Variants in AEBP2 observed in about 807,000 individuals in gnomAD.
The protein encoded by AEBP2 is zinc finger protein AEBP2.
AEBP2 carries 10 observed loss-of-function variants against 50.8 expected under a neutral mutation model. The observed-to-expected ratio is 0.20, with a 90% CI of 0.12 to 0.33. The LOEUF (loss-of-function observed/expected upper bound fraction) is 0.33. Ranked by LOEUF, AEBP2 falls within the 10% of genes least tolerant of loss-of-function variation. The pLI, the probability that AEBP2 is intolerant of heterozygous loss-of-function variation, is 1.00. For synonymous variants in AEBP2, 296 were observed against 261.3 expected (o/e 1.13, Z -1.28); for missense variants, 570 against 688.0 (o/e 0.83, Z 1.92).
chr12:19,520,224 A>T lies in AEBP2; in HGVS notation c.*2107A>T, dbSNP rs1018567093. On this transcript the variant is annotated 3_prime_UTR_variant, in exon 8 of 8. Transcript: ENST00000266508. ...TTTCTAATAAAACAAAGCAAATCAC[A>T]TTTAGCTTCAAATTGTAACAATTCA... The T allele has an allele frequency of 6.6e-6, 1 of 152,276 alleles. No individual in the cohort carries two copies. Among genetic ancestry groups the T allele is most frequent in the Admixed American group, 6.5e-5 (1 of 15,284 alleles). The allele number at this position is 152,276 out of a possible 1,614,324, so 9.4% of individuals were successfully genotyped here.
At chr12:19,479,941 T>C (rs1231404192) in intron 3 of AEBP2, among the ~76,000 whole-genome samples, 1 of 152,054 alleles carries the variant, frequency 6.6e-6, no homozygotes, top group Non-Finnish European at 1.5e-5. Flanking sequence ...TCCCATTCCA[T>C]ACCTTTTAAA....
chr12:19,408,867 C>A (rs1231818577), intron 1 of AEBP2, among the ~76,000 whole-genome samples: 1 of 151,844 alleles, frequency 6.6e-6, no homozygotes, highest in Admixed American at 6.6e-5. Flanking sequence ...CTCGCTACTG[C>A]ACTCCAGCAT....
chr12:19,445,492 G>A (rs1244154878), intron 1 of AEBP2, among the ~76,000 whole-genome samples: 2 of 152,062 alleles, frequency 1.3e-5, no homozygotes, highest in Admixed American at 1.3e-4. Context: ...GGGATTATGG[G>A]CATGAGCCAC....
At chr12:19,501,793 G>GTTTTTTTTTTTTTTTT (rs1204632203) in intron 5 of AEBP2, among the ~76,000 whole-genome samples, 2 of 35,180 alleles carry the variant, frequency 5.7e-5, no homozygotes, top group Admixed American at 3.6e-4. Flanking sequence ...ATAAAAATGA[G>GTTTTTTTTTTTTTTTT]TTTGTTTTTT....
chr12:19,498,483 C>T (rs537837326), intron 4 of AEBP2, among the ~76,000 whole-genome samples: 5 of 152,206 alleles, frequency 3.3e-5, no homozygotes, highest in East Asian at 1.9e-4. Context: ...TGAAAATATT[C>T]CCCCATAAAA....
chr12:19,451,489 G>A (rs7306663), intron 1 of AEBP2, among the ~76,000 whole-genome samples: 129,262 of 152,146 alleles, frequency 0.85, 55,231 homozygotes, highest in African/African-American at 0.93. Flanking sequence ...GAAGACTCCC[G>A]AGCTGAGTGT....
intron 1 of AEBP2, among the ~76,000 whole-genome samples, chr12:19,431,988 C>G (rs566090858): frequency 1.3e-5 from 2 of 152,286 alleles, no homozygotes; most frequent in South Asian, 4.1e-4. Flanking sequence ...GGAATCTCAG[C>G]TCCAGTCTAA....
At chr12:19,508,665 G>A (rs1949189526) in intron 5 of AEBP2, among the ~76,000 whole-genome samples, 1 of 152,070 alleles carries the variant, frequency 6.6e-6, no homozygotes, top group African/African-American at 2.4e-5. Flanking sequence ...GGGTCTTTCT[G>A]TTAGATCGAT....
At chr12:19,405,489 C>T (rs546756584) in intron 1 of AEBP2, among the ~76,000 whole-genome samples, 1 of 151,868 alleles carries the variant, frequency 6.6e-6, no homozygotes, top group Non-Finnish European at 1.5e-5. Flanking sequence ...CCATACCCAG[C>T]TAATTTTTGT....
intron 7 of AEBP2, 30 bp downstream of exon 7, chr12:19,514,814 T>C (rs769220407): frequency 6.5e-7 from 1 of 1,533,314 alleles, no homozygotes; most frequent in Admixed American, 1.9e-5. Context: ...TATGTTTTAC[T>C]TTTTGATTTG....
In AEBP2 at chr12:19,439,793, C is replaced by A; in HGVS notation, c.94C>A (p.Arg32=). ...PGSPGSAARG[R]AEPPEEEEEE... ...CAGCCCGGGTTCGGCGGCGCGGGGC[C>A]GGGCTGAGCCCCCCGAGGAGGAGGA... is the stretch of plus-strand genomic sequence containing the variant. The change falls in exon 1 of 8, where the codon CGG becomes AGG. Residue 32 remains arginine (R), a synonymous_variant. Transcript: ENST00000266508. 6.6e-7 allele frequency: 1 copy of A among 1,512,164 alleles called. No individual in the cohort carries two copies. 93.7% of individuals were successfully genotyped at this position (1,512,164 alleles called of 1,614,324 possible).
intron 3 of AEBP2, among the ~76,000 whole-genome samples, chr12:19,486,751 T>C (rs917364836): frequency 1.3e-5 from 2 of 152,054 alleles, no homozygotes; most frequent in African/African-American, 4.8e-5. Flanking sequence ...TACACACACA[T>C]ATTCATTCCT....
intron 3 of AEBP2, among the ~76,000 whole-genome samples, chr12:19,490,261 G>C (rs34631800): frequency 6.6e-6 from 1 of 152,104 alleles, no homozygotes; most frequent in South Asian, 2.1e-4. Context: ...TCTCAATTCA[G>C]ACTAGCCAAG....
intron 5 of AEBP2, among the ~76,000 whole-genome samples, chr12:19,503,157 T>G (rs1949107633): frequency 6.6e-6 from 1 of 152,222 alleles, no homozygotes; most frequent in Non-Finnish European, 1.5e-5. Context: ...GGAATAGCAT[T>G]GAATCTGTAA....
chr12:19,462,879 G>A (rs912153273), intron 2 of AEBP2, among the ~76,000 whole-genome samples, 162 bp downstream of exon 2: 21 of 152,108 alleles, frequency 1.4e-4, no homozygotes, highest in African/African-American at 5.1e-4. Context: ...ATACTTGATA[G>A]AATCAAATAA....
intron 1 of AEBP2, among the ~76,000 whole-genome samples, chr12:19,460,454 A>G (rs549264394): frequency 6.6e-6 from 1 of 152,110 alleles, no homozygotes; most frequent in Admixed American, 6.6e-5. Flanking sequence ...TCCCAGGTTC[A>G]AGCAATTCTC....
intron 7 of AEBP2, among the ~76,000 whole-genome samples, 156 bp from the exon 8 acceptor site, chr12:19,517,931 A>G (rs549036262): frequency 1.3e-5 from 2 of 152,384 alleles, no homozygotes; most frequent in East Asian, 1.9e-4. Flanking sequence ...GTAACTAAGT[A>G]TAGATCCATA....
At chr12:19,483,752 G>A (rs1948765246) in intron 3 of AEBP2, among the ~76,000 whole-genome samples, 1 of 152,088 alleles carries the variant, frequency 6.6e-6, no homozygotes, top group Non-Finnish European at 1.5e-5. Context: ...ACCAAACTTT[G>A]TAGATACACT....
chr12:19,489,603 A>G (rs1715651478), intron 3 of AEBP2, among the ~76,000 whole-genome samples: 1 of 152,210 alleles, frequency 6.6e-6, no homozygotes, highest in Non-Finnish European at 1.5e-5. Flanking sequence ...CAGTGATGAT[A>G]TATTTATGAG....
Sources: allele counts gnomAD v4.1 joint callset (sites outside exome capture counted in the v4.1 genomes callset), GRCh38; gene constraint gnomAD v4.1.1; transcripts MANE v1.5; gene names NCBI Gene and HGNC (gene_info 2026-07-23, HGNC 2026-07-21).